The following FBN2 variants were observed in gnomAD, a reference collection of about 807,000 sequenced individuals.
FBN2 encodes the protein fibrillin-2.
FBN2 carries 105 observed loss-of-function variants against 355.6 expected under a neutral mutation model. That is an observed-to-expected ratio of 0.30 (90% CI 0.25 to 0.35). The LOEUF (loss-of-function observed/expected upper bound fraction) is 0.35. Among genes scored for constraint, FBN2 ranks in the 10% least tolerant of loss-of-function variants. The probability of loss-of-function intolerance (pLI) is 1.00; values close to 1 mark genes in which losing one functional copy is unlikely to be tolerated. For synonymous variants in FBN2, 1,350 were observed against 1,301.2 expected, an observed-to-expected ratio of 1.04 and a Z score of -0.81; for missense variants, 3,280 against 3,758.7, an observed-to-expected ratio of 0.87 and a Z score of 3.33.
chr5:128,528,006 C>A lies in FBN2; in HGVS notation c.437-39G>T. 2.2e-6 allele frequency: 3 copies of A among 1,345,946 alleles called. No homozygotes were observed. In the South Asian group the frequency reaches 3.5e-5, roughly 16 times the overall value. 83.4% of individuals were successfully genotyped at this position (1,345,946 alleles called of 1,614,324 possible). ...TAACAAAAAGTATAAAAACATCAGT[C>A]ATCAAAATTATAGTATATGTGAGAG... On this transcript the variant is annotated intron_variant, in intron 3 of 64. Coordinates refer to ENST00000262464, the MANE Select transcript of FBN2 (RefSeq NM_001999.4).
intron 5 of FBN2, among the ~76,000 whole-genome samples, chr5:128,505,709 A>C (rs1581356230): frequency 7.6e-6 from 1 of 131,640 alleles, no homozygotes; most frequent in South Asian, 2.4e-4. Flanking sequence ...ATATAAAAAT[A>C]AAATCATAAT....
chr5:128,531,597 T>C (rs1282673010), intron 2 of FBN2, among the ~76,000 whole-genome samples: 1 of 152,020 alleles, frequency 6.6e-6, no homozygotes, highest in Admixed American at 6.6e-5. Context: ...TAAGTAAACG[T>C]TACAGAATGA....
intron 52 of FBN2, 105 bp from the exon 53 acceptor site, chr5:128,288,662 G>C: frequency 7.7e-7 from 1 of 1,306,352 alleles, no homozygotes; most frequent in South Asian, 1.2e-5. Flanking sequence ...GATCTGAGAA[G>C]GGCACATGTA....
At chr5:128,289,460 C>T (rs1581190775) in intron 51 of FBN2, among the ~76,000 whole-genome samples, 1 of 152,028 alleles carries the variant, frequency 6.6e-6, no homozygotes, top group African/African-American at 2.4e-5. Context: ...TGGTGGCGCA[C>T]ACCTGTAGTC....
At chr5:128,497,539 C>T (rs1755688682) in intron 5 of FBN2, among the ~76,000 whole-genome samples, 1 of 152,150 alleles carries the variant, frequency 6.6e-6, no homozygotes, top group Admixed American at 6.5e-5. Flanking sequence ...AGAACCAGCA[C>T]GTAAAAGGAA....
intron 62 of FBN2, among the ~76,000 whole-genome samples, chr5:128,265,988 G>A (rs1378839247): frequency 6.6e-6 from 1 of 152,174 alleles, no homozygotes; most frequent in Non-Finnish European, 1.5e-5. Context: ...TCATATGAAT[G>A]GCTGAAGATA....
At chr5:128,389,525 G>C (rs1051592164) in intron 11 of FBN2, among the ~76,000 whole-genome samples, 30 of 152,310 alleles carry the variant, frequency 2.0e-4, no homozygotes, top group African/African-American at 6.3e-4. Context: ...CCATGGGCAA[G>C]ACTGCTCTGC....
Position 128,537,683 on chromosome 5 carries a change from G to A in FBN2, c.-80C>T. On this transcript the variant is annotated 5_prime_UTR_variant, in exon 1 of 65. Coordinates refer to ENST00000262464, the MANE Select transcript of FBN2 (RefSeq NM_001999.4). ...CAAAATCTGCGCGCCTCAGAAAAGA[G>A]TCAGGGTCTAATAAGCCCTTCGTCG... 1 of 1,417,460 alleles carries A rather than the reference G, an allele frequency of 7.1e-7. No homozygotes were observed. The highest frequency in any genetic ancestry group is 9.7e-7 in the Non-Finnish European group (1 of 1,027,498). 87.8% of individuals were successfully genotyped at this position (1,417,460 alleles called of 1,614,324 possible).
chr5:128,355,391 C>G (rs1377211030), intron 20 of FBN2, among the ~76,000 whole-genome samples: 1 of 152,196 alleles, frequency 6.6e-6, no homozygotes, highest in Non-Finnish European at 1.5e-5. Flanking sequence ...TAACCATATT[C>G]AACCAGAACA....
rs116302901 is a variant in FBN2 at position 128,466,758 on chromosome 5, C to A, written c.629-1837G>T. ...CCCTTGCATAAGAACAACAGATGTGCTGGCTGCAAGTCTCGTTTTTGAAAA... is the reference window on the plus strand; with the variant it reads ...CCCTTGCATAAGAACAACAGATGTGATGGCTGCAAGTCTCGTTTTTGAAAA... On this transcript the variant is annotated intron_variant, in intron 5 of 64. Transcript: ENST00000262464. 5.9e-3 allele frequency among the ~76,000 whole-genome samples: 896 copies of A among 152,256 alleles called. 4 individuals carry two copies. Among genetic ancestry groups the A allele is most frequent in the Non-Finnish European group, 0.01 (689 of 68,002 alleles).
At chr5:128,370,096 C>T (rs1751891492) in intron 15 of FBN2, among the ~76,000 whole-genome samples, 1 of 152,182 alleles carries the variant, frequency 6.6e-6, no homozygotes, top group South Asian at 2.1e-4. Context: ...ACTTCTAAAA[C>T]TCTTCCTCTT....
chr5:128,309,523 T>G, intron 40 of FBN2, 124 bp from the exon 41 acceptor site: 1 of 751,624 alleles, frequency 1.3e-6, no homozygotes, highest in Non-Finnish European at 2.3e-6. Context: ...TTTAGTCATT[T>G]GAAGCTATCT....
Position 128,446,457 on chromosome 5 carries a change from GCTT to G in FBN2, c.952+21_952+23del, listed in dbSNP as rs767816946. ...TTGCATTAAAGTCACAATTAGGCAT[GCTT>G]CCCAAAGTAGAGAGACTCACCTTCA... is the stretch of plus-strand genomic sequence containing the variant. On this transcript the variant is annotated intron_variant, in intron 7 of 64. Coordinates refer to ENST00000262464, the MANE Select transcript of FBN2 (RefSeq NM_001999.4). 1.9e-6 allele frequency: 3 copies of G among 1,612,208 alleles called. No individual in the cohort carries two copies. In the African/African-American group the frequency reaches 4.0e-5, roughly 22 times the overall value.
At chr5:128,526,083 T>A (rs988911725) in intron 4 of FBN2, among the ~76,000 whole-genome samples, 3 of 152,160 alleles carry the variant, frequency 2.0e-5, no homozygotes, top group Non-Finnish European at 4.4e-5. Flanking sequence ...CTATTTTACA[T>A]AAAATTATTC....
rs1751283314 is a variant in FBN2 at position 128,349,403 on chromosome 5, A to G, written c.2933T>C (p.Phe978Ser). The change falls in exon 23 of 65, where the codon TTT (phenylalanine) becomes TCT (serine). Residue 978 changes from phenylalanine to serine, a missense_variant. Around this residue, in one of 6 missense-constraint regions of FBN2, gnomAD observed 2,284 missense variants for 2,749.5 expected, o/e 0.83. Transcript: ENST00000262464. ...NGRCVNSKGS[F>S]HCECPEGLTL... The stretch of plus-strand genomic sequence containing the variant: ...AAGGCCTTCAGGGCACTCGCAATGA[A>G]AAGATCCCTTACTGTTGACACAGCG... The G allele has an allele frequency of 6.2e-7, 1 of 1,614,054 alleles. No individual in the cohort carries two copies. Among genetic ancestry groups the G allele is most frequent in the Admixed American group, 1.7e-5 (1 of 60,002 alleles).
At chr5:128,348,687 A>G (rs1402203818) in intron 23 of FBN2, among the ~76,000 whole-genome samples, 1 of 152,176 alleles carries the variant, frequency 6.6e-6, no homozygotes. Flanking sequence ...GGGGGAAAAA[A>G]AATCTCTGTA....
chr5:128,360,431 A>G (rs1186283838), intron 19 of FBN2, among the ~76,000 whole-genome samples: 1 of 152,120 alleles, frequency 6.6e-6, no homozygotes, highest in African/African-American at 2.4e-5. Context: ...GAAAAGATAA[A>G]TCTTCAAGTA....
At chr5:128,307,011 C>T in intron 42 of FBN2, 124 bp downstream of exon 42, 1 of 705,702 alleles carries the variant, frequency 1.4e-6, no homozygotes. Flanking sequence ...TCTTATCTAA[C>T]TATATTAGAT....
chr5:128,311,988 CT>C (rs754008856), intron 37 of FBN2, 35 bp from the exon 38 acceptor site: 86 of 1,449,330 alleles, frequency 5.9e-5, no homozygotes, highest in Non-Finnish European at 8.1e-5. Flanking sequence ...GGTTTGATAC[CT>C]GTGTCCAAGT....
Sources: gnomAD v4.1 joint callset for allele counts (sites outside exome capture counted in the v4.1 genomes callset) on GRCh38, gnomAD v4.1.1 for gene constraint, gnomAD v4.1.1 regional missense constraint, MANE v1.5 for transcripts, NCBI Gene and HGNC (gene_info 2026-07-23, HGNC 2026-07-21) for gene names.